Variants in GRM7 observed in about 807,000 individuals in gnomAD.
GRM7 encodes metabotropic glutamate receptor 7.
In GRM7, 35 loss-of-function variants were observed where a neutral mutation model predicts 84.5. The observed-to-expected ratio is 0.41, with a 90% CI of 0.32 to 0.55. GRM7 has a LOEUF of 0.55. Among genes scored for constraint, GRM7 ranks in the 20% least tolerant of loss-of-function variants. The probability of loss-of-function intolerance (pLI) is 0.19; values close to 1 mark genes in which losing one functional copy is unlikely to be tolerated. For missense variants in GRM7, 1,003 were observed against 1,194.6 expected, an observed-to-expected ratio of 0.84 and a Z score of 2.36; for synonymous variants, 487 against 455.1, an observed-to-expected ratio of 1.07 and a Z score of -0.89.
chr3:6,967,696 A>G (rs1313008966), intron 1 of GRM7, among the ~76,000 whole-genome samples: 1 of 152,252 alleles, frequency 6.6e-6, no homozygotes, highest in African/African-American at 2.4e-5. Context: ...TTGATACAGA[A>G]CAAATATAAA....
At chr3:6,983,835 A>T (rs933438781) in intron 1 of GRM7, among the ~76,000 whole-genome samples, 1 of 151,790 alleles carries the variant, frequency 6.6e-6, no homozygotes, top group Non-Finnish European at 1.5e-5. Context: ...TCTGAGTGCC[A>T]AAATATTAAT....
Position 7,214,266 on chromosome 3 carries a change from A to G in GRM7, c.736+67598A>G, listed in dbSNP as rs555434622. ...TGCATCTGCAGGAAAGTGAGAAAAC[A>G]ACATTTCTAGAAAGAGCCTGTTAAT... On this transcript the variant is annotated intron_variant, in intron 2 of 9. Transcript: ENST00000357716. 1.1e-4 allele frequency among the ~76,000 whole-genome samples: 16 copies of G among 152,344 alleles called. No homozygotes were observed. The East Asian group carries it at 2.7e-3, about 26-fold the overall frequency.
Position 7,587,463 on chromosome 3 carries a change from G to T in GRM7, c.2451+8106G>T, listed in dbSNP as rs541678078. Among the ~76,000 whole-genome samples the T allele has an allele frequency of 2.8e-4, 42 of 152,268 alleles. 1 individual carries two copies. Among genetic ancestry groups the T allele is most frequent in the Non-Finnish European group, 5.4e-4 (37 of 68,032 alleles). ...CAGAAGGTAAAATAGTCACATATCT[G>T]GGGGAACTGTCAGGAGAGGCTGTAA... On this transcript the variant is annotated intron_variant, in intron 8 of 9. Coordinates refer to ENST00000357716, the MANE Select transcript of GRM7 (RefSeq NM_000844.4).
At chr3:6,900,434 CA>C (rs1278897591) in intron 1 of GRM7, among the ~76,000 whole-genome samples, 1 of 152,030 alleles carries the variant, frequency 6.6e-6, no homozygotes, top group East Asian at 1.9e-4. Flanking sequence ...TGCACTTAGA[CA>C]CCACTTAAAA....
At chr3:7,205,003 T>A (rs150049448) in intron 2 of GRM7, among the ~76,000 whole-genome samples, 376 of 152,348 alleles carry the variant, frequency 2.5e-3, no homozygotes, top group African/African-American at 8.8e-3. Context: ...CTTATTTGAA[T>A]ATTATCTCTA....
chr3:7,244,785 A>C (rs1254492887), intron 2 of GRM7, among the ~76,000 whole-genome samples: 2 of 152,066 alleles, frequency 1.3e-5, no homozygotes. Context: ...AATATCCATC[A>C]TAAGAAGTGA....
intron 4 of GRM7, among the ~76,000 whole-genome samples, chr3:7,352,629 T>C (rs1386076209): frequency 6.6e-6 from 1 of 152,090 alleles, no homozygotes; most frequent in Non-Finnish European, 1.5e-5. Context: ...AGGACATTGA[T>C]TGGGAAAGAA....
chr3:7,038,915 G>A (rs1285693480), intron 1 of GRM7, among the ~76,000 whole-genome samples: 1 of 152,028 alleles, frequency 6.6e-6, no homozygotes, highest in Non-Finnish European at 1.5e-5. Flanking sequence ...GTTTCTCAGA[G>A]TGGGGTCATC....
intron 2 of GRM7, among the ~76,000 whole-genome samples, chr3:7,196,006 T>C (rs1391836500): frequency 2.6e-5 from 4 of 152,124 alleles, no homozygotes; most frequent in East Asian, 3.9e-4. Context: ...ATCTAGCTAG[T>C]TAGTTAACTA....
At chr3:7,240,515 A>G (rs1436221016) in intron 2 of GRM7, among the ~76,000 whole-genome samples, 3 of 152,200 alleles carry the variant, frequency 2.0e-5, no homozygotes, top group African/African-American at 4.8e-5. Context: ...ACAACTACTA[A>G]GATATGGTTG....
At chr3:7,739,528 T>C (rs574521616) in intron 9 of GRM7, among the ~76,000 whole-genome samples, 1 of 152,296 alleles carries the variant, frequency 6.6e-6, no homozygotes, top group East Asian at 1.9e-4. Context: ...TGCAACAGTA[T>C]GACTTGGTAT....
At chr3:6,992,606 G>C (rs1694682666) in intron 1 of GRM7, among the ~76,000 whole-genome samples, 1 of 152,140 alleles carries the variant, frequency 6.6e-6, no homozygotes, top group Admixed American at 6.5e-5. Flanking sequence ...AAAGAAAGCT[G>C]TTAGCAACCT....
intron 2 of GRM7, among the ~76,000 whole-genome samples, chr3:7,181,521 G>C (rs1026190000): frequency 2.6e-5 from 4 of 152,098 alleles, no homozygotes; most frequent in Non-Finnish European, 4.4e-5. Flanking sequence ...TTTACAAGCT[G>C]TGACATTTAT....
chr3:7,243,303 A>G (rs1697630203), intron 2 of GRM7, among the ~76,000 whole-genome samples: 1 of 152,112 alleles, frequency 6.6e-6, no homozygotes, highest in South Asian at 2.1e-4. Flanking sequence ...ATTACCTTAT[A>G]CAATATAGGT....
At chr3:7,341,578 G>A (rs1396161862) in intron 4 of GRM7, among the ~76,000 whole-genome samples, 2 of 151,990 alleles carry the variant, frequency 1.3e-5, no homozygotes, top group East Asian at 3.9e-4. Flanking sequence ...GGTAAACTTT[G>A]TAAGCAGTGC....
At chr3:7,581,244 G>A (rs1487969508) in intron 8 of GRM7, among the ~76,000 whole-genome samples, 1 of 152,104 alleles carries the variant, frequency 6.6e-6, no homozygotes, top group Non-Finnish European at 1.5e-5. Context: ...ATTGAAACAA[G>A]GTTTCAGGAA....
chr3:7,015,021 G>A (rs1377161332), intron 1 of GRM7, among the ~76,000 whole-genome samples: 2 of 152,166 alleles, frequency 1.3e-5, no homozygotes, highest in Non-Finnish European at 2.9e-5. Context: ...TCAGCACTCT[G>A]TAGAATGGAC....
At chr3:7,103,796 TTCTTTCTTTC>T (rs1250255627) in intron 1 of GRM7, among the ~76,000 whole-genome samples, 2 of 113,478 alleles carry the variant, frequency 1.8e-5, no homozygotes, top group South Asian at 5.5e-4. Flanking sequence ...CTTTCTTTCT[TTCTTTCTTTC>T]TTTCTTTCTT....
intron 1 of GRM7, among the ~76,000 whole-genome samples, chr3:6,949,691 A>G (rs941712391): frequency 3.7e-4 from 56 of 152,148 alleles, no homozygotes; most frequent in African/African-American, 9.4e-4. Context: ...TTTCAGGTAC[A>G]CCAATCAGAC....
Sources: gnomAD v4.1 joint callset for allele counts (sites outside exome capture counted in the v4.1 genomes callset) on GRCh38, gnomAD v4.1.1 for gene constraint, MANE v1.5 for transcripts, NCBI Gene and HGNC (gene_info 2026-07-23, HGNC 2026-07-21) for gene names.